The following EDIL3 variants were observed in gnomAD, a reference collection of about 807,000 sequenced individuals.
EDIL3 encodes the protein EGF like and discoidin domains 3.
Under a neutral mutation model 67.4 loss-of-function variants are expected in EDIL3, and 37 were observed. The observed-to-expected ratio is 0.55, with a 90% CI of 0.42 to 0.72. The LOEUF is 0.72. Among genes scored for constraint, EDIL3 ranks in the 30% least tolerant of loss-of-function variants. The pLI is 0.00. For synonymous variants in EDIL3, 195 were observed against 196.3 expected (o/e 0.99, Z 0.05); for missense variants, 527 against 586.3 (o/e 0.90, Z 1.04).
chr5:84,070,912 G>A (rs772994848), intron 6 of EDIL3, among the ~76,000 whole-genome samples: 1 of 152,142 alleles, frequency 6.6e-6, no homozygotes, highest in African/African-American at 2.4e-5. Flanking sequence ...GCTCATAAAG[G>A]TTATCAGGCT....
At chr5:84,368,806 C>G (rs1327187483) in intron 1 of EDIL3, among the ~76,000 whole-genome samples, 1 of 151,866 alleles carries the variant, frequency 6.6e-6, no homozygotes, top group South Asian at 2.1e-4. Context: ...CAAAAATGGG[C>G]AAAGGAATTG....
At chr5:84,168,128 A>G (rs1055880939) in intron 4 of EDIL3, among the ~76,000 whole-genome samples, 73 of 152,328 alleles carry the variant, frequency 4.8e-4, no homozygotes, top group African/African-American at 1.6e-3. Flanking sequence ...AGCAAAATCA[A>G]TCATTCTAAA....
At chr5:84,315,035 T>C (rs1215278495) in intron 1 of EDIL3, among the ~76,000 whole-genome samples, 1 of 152,188 alleles carries the variant, frequency 6.6e-6, no homozygotes, top group Non-Finnish European at 1.5e-5. Context: ...TTTATTATCC[T>C]TCTAGTTTAA....
intron 1 of EDIL3, among the ~76,000 whole-genome samples, chr5:84,271,808 A>G (rs1745477599): frequency 6.6e-6 from 1 of 152,160 alleles, no homozygotes; most frequent in South Asian, 2.1e-4. Context: ...AAGCATTTCC[A>G]GGGTCAATAT....
chr5:84,088,378 T>C (rs1267063798), intron 6 of EDIL3, among the ~76,000 whole-genome samples: 3 of 152,210 alleles, frequency 2.0e-5, no homozygotes, highest in African/African-American at 7.2e-5. Flanking sequence ...TCTGGGTTTT[T>C]TGTTTGTTGT....
intron 1 of EDIL3, among the ~76,000 whole-genome samples, chr5:84,363,820 T>C (rs562628324): frequency 2.6e-4 from 39 of 152,162 alleles, no homozygotes; most frequent in Admixed American, 8.5e-4. Context: ...AGATCTCAAC[T>C]GGAGATAAAA....
chr5:84,293,737 G>A (rs1310219248), intron 1 of EDIL3, among the ~76,000 whole-genome samples: 1 of 151,178 alleles, frequency 6.6e-6, no homozygotes, highest in Non-Finnish European at 1.5e-5. Context: ...GGGGATTGTG[G>A]CTAGAAAAGA....
At chr5:84,323,618 G>A (rs1036880981) in intron 1 of EDIL3, among the ~76,000 whole-genome samples, 20 of 151,774 alleles carry the variant, frequency 1.3e-4, no homozygotes, top group African/African-American at 4.6e-4. Flanking sequence ...CAAAAAGCAG[G>A]GATTTGAAGA....
At position 84,175,971 on chromosome 5, in the gene EDIL3, T is replaced by C. The variant is rs377688598; in HGVS notation, c.355+4422A>G. Among the ~76,000 whole-genome samples, 17 of 151,836 alleles carry C rather than the reference T, an allele frequency of 1.1e-4. No homozygotes were observed. In the East Asian group the frequency reaches 1.2e-3, roughly 10 times the overall value. ...TGATTAATGCAATTAAGAATGATCATGAAAACAGCAAATATCATTGACTAA... is the reference window on the plus strand; with the variant it reads ...TGATTAATGCAATTAAGAATGATCACGAAAACAGCAAATATCATTGACTAA... On this transcript the variant is annotated intron_variant, in intron 4 of 10. Coordinates refer to ENST00000296591, the MANE Select transcript of EDIL3 (RefSeq NM_005711.5).
intron 1 of EDIL3, among the ~76,000 whole-genome samples, chr5:84,255,974 C>G (rs766814324): frequency 4.6e-5 from 7 of 152,254 alleles, no homozygotes; most frequent in Middle Eastern, 3.4e-3. Flanking sequence ...GAGAGAGTGT[C>G]TAACATTTTT....
intron 6 of EDIL3, among the ~76,000 whole-genome samples, chr5:84,076,418 A>G (rs1746857017): frequency 6.6e-6 from 1 of 152,214 alleles, no homozygotes; most frequent in Non-Finnish European, 1.5e-5. Flanking sequence ...AAATCTACCA[A>G]TGAAGATTTT....
intron 9 of EDIL3, among the ~76,000 whole-genome samples, chr5:84,029,356 C>T (rs917898378): frequency 1.2e-4 from 18 of 152,148 alleles, no homozygotes; most frequent in African/African-American, 3.4e-4. Context: ...ACTTGCTCCT[C>T]CTTGCCTTCC....
intron 1 of EDIL3, among the ~76,000 whole-genome samples, chr5:84,343,705 G>A (rs1747173507): frequency 6.6e-6 from 1 of 151,986 alleles, no homozygotes; most frequent in South Asian, 2.1e-4. Context: ...GTGTCTACAG[G>A]AGACGTCAAA....
At chr5:84,144,288 TCCTTCCTC>T (rs1748254909) in intron 4 of EDIL3, among the ~76,000 whole-genome samples, 1 of 102,326 alleles carries the variant, frequency 9.8e-6, no homozygotes, top group Non-Finnish European at 2.1e-5. Context: ...CTTCCTTCCT[TCCTTCCTC>T]CCTTCCTCCC....
At chr5:84,285,192 A>C (rs183163301) in intron 1 of EDIL3, among the ~76,000 whole-genome samples, 31 of 152,348 alleles carry the variant, frequency 2.0e-4, no homozygotes, top group Admixed American at 1.6e-3. Flanking sequence ...ACATAACCTG[A>C]ATTGCACTAT....
intron 9 of EDIL3, among the ~76,000 whole-genome samples, chr5:83,976,473 A>G (rs1430493013): frequency 6.6e-6 from 1 of 151,888 alleles, no homozygotes; most frequent in Non-Finnish European, 1.5e-5. Context: ...GCTTTTTGCC[A>G]TAGACTTTTT....
chr5:84,133,512 T>C (rs1013211130), intron 5 of EDIL3, among the ~76,000 whole-genome samples: 27 of 148,786 alleles, frequency 1.8e-4, no homozygotes, highest in Admixed American at 5.4e-4. Context: ...GGTGCGTGCC[T>C]GTAGTGCCAG....
intron 9 of EDIL3, among the ~76,000 whole-genome samples, chr5:84,003,441 G>C (rs1291128533): frequency 6.6e-6 from 1 of 152,154 alleles, no homozygotes; most frequent in Non-Finnish European, 1.5e-5. Flanking sequence ...TCAAGTGAGA[G>C]GGAAGCTCAC....
chr5:84,304,348 C>A (rs1746222508), intron 1 of EDIL3, among the ~76,000 whole-genome samples: 1 of 152,144 alleles, frequency 6.6e-6, no homozygotes, highest in Admixed American at 6.5e-5. Flanking sequence ...ACCTAGGGTG[C>A]ACCAAAATTG....
Sources: allele counts gnomAD v4.1 joint callset (sites outside exome capture counted in the v4.1 genomes callset), GRCh38; gene constraint gnomAD v4.1.1; transcripts MANE v1.5; gene names NCBI Gene and HGNC (gene_info 2026-07-23, HGNC 2026-07-21).